The following POLR3C variants were observed in gnomAD, a reference collection of about 807,000 sequenced individuals.
POLR3C encodes the protein DNA-directed RNA polymerase III subunit RPC3.
A neutral mutation model predicts 65.9 loss-of-function variants in POLR3C; 44 were observed. The ratio of observed to expected loss-of-function variants is 0.67; its 90% CI spans 0.52 to 0.86. POLR3C has a LOEUF of 0.86. POLR3C is among the 40% of genes least tolerant of loss of function. The probability of loss-of-function intolerance (pLI) is 0.00; values close to 1 mark genes in which losing one functional copy is unlikely to be tolerated. For missense variants in POLR3C, 576 were observed against 653.2 expected (o/e 0.88, Z 1.29); for synonymous variants, 263 against 231.6 (o/e 1.14, Z -1.23).
At chr1:145,831,453 T>G (rs1315238875) in intron 5 of POLR3C, among the ~76,000 whole-genome samples, 5 of 149,116 alleles carry the variant, frequency 3.4e-5, no homozygotes, top group African/African-American at 1.2e-4. Context: ...GGGCAGAGGT[T>G]GCAGTGAGCG....
rs185563927 is a variant in POLR3C, at chr1:145,829,340, T to G, written c.678+503T>G. Among the ~76,000 whole-genome samples the G allele has an allele frequency of 9.8e-5, 15 of 152,310 alleles. No individual in the cohort carries two copies. The East Asian group carries it at 2.1e-3, about 22-fold the overall frequency. ...GCCAGCCGCCTAGGACACCACCATT[T>G]CTGCTTAAGCCAAAATCCTTGGAAC... On this transcript the variant is annotated intron_variant, in intron 5 of 14. Transcript: ENST00000334163.
intron 5 of POLR3C, among the ~76,000 whole-genome samples, chr1:145,832,114 G>T (rs375393900): frequency 1.2e-4 from 19 of 152,294 alleles, no homozygotes; most frequent in African/African-American, 4.3e-4. Flanking sequence ...GTCCAACCAT[G>T]TCATATGCTT....
intron 11 of POLR3C, chr1:145,839,442 C>T (rs1165200382): frequency 6.5e-6 from 1 of 155,012 alleles, no homozygotes; most frequent in Non-Finnish European, 1.4e-5. Context: ...ATGACATAAA[C>T]CACAAAGACT....
At chr1:145,831,474 C>A (rs1407099618) in intron 5 of POLR3C, among the ~76,000 whole-genome samples, 1 of 148,834 alleles carries the variant, frequency 6.7e-6, no homozygotes, top group African/African-American at 2.5e-5. Context: ...GAGATTGTGC[C>A]ACTTCACTCC....
Position 145,824,243 on chromosome 1 carries a change from C to G in POLR3C, c.-147C>G, listed in dbSNP as rs1359943399. 3.8e-6 allele frequency: 1 copy of G among 266,062 alleles called. No homozygotes were observed. Among genetic ancestry groups the G allele is most frequent in the Non-Finnish European group, 7.4e-6 (1 of 135,288 alleles). 16.5% of individuals were successfully genotyped at this position (266,062 alleles called of 1,614,324 possible). On this transcript the variant is annotated 5_prime_UTR_variant, in exon 1 of 15. Coordinates refer to ENST00000334163, the MANE Select transcript of POLR3C (RefSeq NM_006468.8). Reference sequence around the variant, plus strand: ...TGCTTTTCCGCGTCTTCTTCGGTGGCGATCCGCGTCCTAGAAAGGGCGGTG... The same window carrying G: ...TGCTTTTCCGCGTCTTCTTCGGTGGGGATCCGCGTCCTAGAAAGGGCGGTG...
At chr1:145,825,285 G>A (rs1013337227) in intron 1 of POLR3C, among the ~76,000 whole-genome samples, 7 of 151,838 alleles carry the variant, frequency 4.6e-5, no homozygotes, top group East Asian at 1.9e-4. Context: ...ATTTTTTTGT[G>A]TGTTTTTAGT....
intron 11 of POLR3C, among the ~76,000 whole-genome samples, chr1:145,839,102 C>G (rs927671531): frequency 3.3e-5 from 5 of 152,080 alleles, no homozygotes; most frequent in African/African-American, 9.7e-5. Flanking sequence ...GAAACCCTGT[C>G]TCTACTAAAA....
rs1553729978 is a variant in POLR3C at position 145,839,973 on chromosome 1, G to A, written c.1305G>A (p.Leu435=). 6.2e-7 allele frequency: 1 copy of A among 1,607,356 alleles called. No individual in the cohort carries two copies. Residue 435 remains leucine (L), a synonymous_variant, in exon 12 of 15, where the codon TTG becomes TTA. Transcript: ENST00000334163. ...TVNILSAARM[L]LHRCYKSIAN... ...ACATCCTGTCAGCTGCCCGAATGTTGTTGCACAGGTGCTACAAGGTAACTC... is the reference window on the plus strand; with the variant it reads ...ACATCCTGTCAGCTGCCCGAATGTTATTGCACAGGTGCTACAAGGTAACTC...
intron 5 of POLR3C, among the ~76,000 whole-genome samples, chr1:145,831,667 C>G (rs1304843067): frequency 6.6e-6 from 1 of 152,086 alleles, no homozygotes; most frequent in Non-Finnish European, 1.5e-5. Flanking sequence ...GACAAAACAC[C>G]AGGATTACAG....
intron 1 of POLR3C, among the ~76,000 whole-genome samples, chr1:145,824,935 G>A (rs782001812): frequency 2.0e-5 from 3 of 152,004 alleles, no homozygotes; most frequent in African/African-American, 7.3e-5. Flanking sequence ...GTGACAGACC[G>A]CAAAATCATC....
chr1:145,842,183 G>C (rs955408547), intron 14 of POLR3C, among the ~76,000 whole-genome samples, 156 bp from the exon 15 acceptor site: 2 of 152,144 alleles, frequency 1.3e-5, no homozygotes, highest in African/African-American at 2.4e-5. Flanking sequence ...AAGATGCTCG[G>C]TAAATAGCAA....
Position 145,826,510 on chromosome 1 carries a change from C to A in POLR3C, c.204C>A (p.His68Gln), listed in dbSNP as rs782046891. Reference sequence around the variant, plus strand: ...ATAACCTGGTGAGTTATCAAGTGCACAAACGTGGTGTGGTGGAGTATGAAG... The same window carrying A: ...ATAACCTGGTGAGTTATCAAGTGCAAAAACGTGGTGTGGTGGAGTATGAAG... ...VQHNLVSYQV[H>Q]KRGVVEYEAQ... Residue 68 changes from histidine to glutamine, a missense_variant, in exon 3 of 15, where the codon CAC becomes CAA. Transcript: ENST00000334163. 2 of 1,613,684 alleles carry A rather than the reference C, an allele frequency of 1.2e-6. No individual in the cohort carries two copies. Among genetic ancestry groups the A allele is most frequent in the Non-Finnish European group, 1.7e-6 (2 of 1,179,856 alleles).
chr1:145,839,800 G>A (rs1002879027), intron 11 of POLR3C, 90 bp from the exon 12 acceptor site: 10 of 727,402 alleles, frequency 1.4e-5, no homozygotes, highest in Admixed American at 4.4e-5. Flanking sequence ...TAAAAAGGAG[G>A]GCTAAGTAAC....
intron 5 of POLR3C, among the ~76,000 whole-genome samples, chr1:145,829,446 A>G (rs782241363): frequency 1.3e-5 from 2 of 152,216 alleles, no homozygotes; most frequent in Non-Finnish European, 2.9e-5. Context: ...TTTCACTGCC[A>G]TCTCTCAACT....
rs1464418471 is a variant in POLR3C at position 145,836,576 on chromosome 1, T to G, written c.957+2T>G. 5 of 1,591,134 alleles carry G rather than the reference T, an allele frequency of 3.1e-6. No individual in the cohort carries two copies. Among genetic ancestry groups the G allele is most frequent in the Non-Finnish European group, 2.6e-6 (3 of 1,159,280 alleles). On this transcript the variant is annotated splice_donor_variant, in intron 8 of 14. Coordinates refer to ENST00000334163, the MANE Select transcript of POLR3C (RefSeq NM_006468.8). LOFTEE classifies it high-confidence loss of function. Reference sequence around the variant, plus strand: ...CTCACTCTGCTGGCAGATGATCCAGTAAGTCTGTTTTTGCTTTTTTTCTTT... The same window carrying G: ...CTCACTCTGCTGGCAGATGATCCAGGAAGTCTGTTTTTGCTTTTTTTCTTT...
intron 4 of POLR3C, among the ~76,000 whole-genome samples, chr1:145,827,666 G>A (rs1553726182): frequency 6.6e-6 from 1 of 151,618 alleles, no homozygotes; most frequent in African/African-American, 2.4e-5. Flanking sequence ...GGCTGAGGCA[G>A]GAAAATAGCA....
In POLR3C at chr1:145,844,045, GC is replaced by G. The variant is rs1553731444; in HGVS notation, c.*1628del. ...CTAGTGAGGATGTGGAAAAAGGAGA[GC>G]CCTGCCTGGTACACTGTTGGGAATG... On this transcript the variant is annotated 3_prime_UTR_variant, in exon 15 of 15. Coordinates refer to ENST00000334163, the MANE Select transcript of POLR3C (RefSeq NM_006468.8). 6.6e-6 allele frequency among the ~76,000 whole-genome samples: 1 copy of G among 152,130 alleles called. No individual in the cohort carries two copies. Among genetic ancestry groups the G allele is most frequent in the African/African-American group, 2.4e-5 (1 of 41,428 alleles).
intron 7 of POLR3C, 40 bp from the exon 8 acceptor site, chr1:145,836,454 T>C (rs781872471): frequency 8.7e-7 from 1 of 1,155,416 alleles, no homozygotes; most frequent in Non-Finnish European, 1.3e-6. Context: ...TCAGGAGTTC[T>C]AAGTTCCCAA....
rs782741604 is a variant in POLR3C at position 145,825,744 on chromosome 1, G to GT, written c.-20-7dup. 9 of 1,588,786 alleles carry GT rather than the reference G, an allele frequency of 5.7e-6. No individual in the cohort carries two copies. The South Asian group carries it at 6.7e-5, about 12-fold the overall frequency. ...AGACTTTCTATTGTACCATTTTGGT[G>GT]TTTTTTCCCTAGCTCTCAGACTCCC... On this transcript the variant is annotated splice_polypyrimidine_tract_variant and intron_variant, in intron 1 of 14. Transcript: ENST00000334163.
Sources: gnomAD v4.1 joint callset for allele counts (sites outside exome capture counted in the v4.1 genomes callset) on GRCh38, gnomAD v4.1.1 for gene constraint, MANE v1.5 for transcripts, NCBI Gene and HGNC (gene_info 2026-07-23, HGNC 2026-07-21) for gene names.